ARID1B: variants seen among roughly 807,000 people sequenced by gnomAD.
The protein encoded by ARID1B is AT-rich interaction domain 1B.
A neutral mutation model predicts 212.3 loss-of-function variants in ARID1B; 30 were observed. That is an observed-to-expected ratio of 0.14 (90% CI 0.11 to 0.19). The LOEUF (loss-of-function observed/expected upper bound fraction) is 0.19. ARID1B is among the 10% of genes least tolerant of loss of function. The pLI is 1.00. For synonymous variants in ARID1B, 1,402 were observed against 1,301.7 expected (o/e 1.08, Z -1.66); for missense variants, 2,891 against 3,204.0 (o/e 0.90, Z 2.36).
chr6:156,902,362 T>A (rs1170551961), intron 3 of ARID1B, among the ~76,000 whole-genome samples: 1 of 152,094 alleles, frequency 6.6e-6, no homozygotes, highest in Non-Finnish European at 1.5e-5. Context: ...GTGGTGGAGG[T>A]GGCAAAGAGA....
intron 8 of ARID1B, chr6:157,151,582 T>A (rs1790200357): frequency 6.6e-6 from 1 of 152,214 alleles, no homozygotes; most frequent in Admixed American, 6.5e-5. Flanking sequence ...ACAAAAAGTA[T>A]CTCTTCTTTC....
intron 1 of ARID1B, among the ~76,000 whole-genome samples, chr6:156,798,215 C>T (rs889800484): frequency 2.0e-5 from 3 of 152,172 alleles, no homozygotes; most frequent in Non-Finnish European, 2.9e-5. Flanking sequence ...CTGTGCTGGT[C>T]GCTCCCTCCT....
At chr6:156,809,010 TTTA>T in intron 1 of ARID1B, among the ~76,000 whole-genome samples, 1 of 152,370 alleles carries the variant, frequency 6.6e-6, no homozygotes, top group South Asian at 2.1e-4. Flanking sequence ...TTTGGAGGTT[TTTA>T]TTCATTTTAG....
At chr6:157,120,447 G>A (rs893192366) in intron 6 of ARID1B, among the ~76,000 whole-genome samples, 1 of 152,228 alleles carries the variant, frequency 6.6e-6, no homozygotes, top group Non-Finnish European at 1.5e-5. Context: ...AGCTGGTGTG[G>A]CGCGGGGGGC....
intron 7 of ARID1B, among the ~76,000 whole-genome samples, chr6:157,137,617 T>C (rs1048529885): frequency 3.9e-5 from 6 of 152,246 alleles, no homozygotes; most frequent in Admixed American, 6.5e-5. Flanking sequence ...TTGTTATTAG[T>C]TACAAAATAT....
intron 4 of ARID1B, among the ~76,000 whole-genome samples, chr6:157,055,803 C>T (rs1264672076): frequency 6.6e-6 from 1 of 152,138 alleles, no homozygotes; most frequent in African/African-American, 2.4e-5. Flanking sequence ...TTAGGGTTCT[C>T]TTCCAAGCTC....
chr6:156,920,354 T>C (rs1406875571), intron 3 of ARID1B, among the ~76,000 whole-genome samples: 1 of 152,272 alleles, frequency 6.6e-6, no homozygotes, highest in Non-Finnish European at 1.5e-5. Context: ...ATTTATATTC[T>C]GACACAAGGG....
intron 1 of ARID1B, among the ~76,000 whole-genome samples, chr6:156,788,355 T>C (rs895721360): frequency 1.1e-4 from 16 of 152,172 alleles, no homozygotes; most frequent in Non-Finnish European, 2.4e-4. Context: ...GTTGTATAAA[T>C]TGGTTTTGGT....
At chr6:157,142,826 C>T (rs55836072) in intron 7 of ARID1B, among the ~76,000 whole-genome samples, 6,639 of 151,788 alleles carry the variant, frequency 0.044, 212 homozygotes, top group Non-Finnish European at 0.069. Context: ...ATTGCATTCA[C>T]CTCCATTTTC....
Position 157,210,560 on chromosome 6 carries a change from A to G in ARID1B, c.*2669A>G, listed in dbSNP as rs1794704934. 1 of 232,542 alleles carries G rather than the reference A, an allele frequency of 4.3e-6. No homozygotes were observed. Among genetic ancestry groups the G allele is most frequent in the Non-Finnish European group, 8.5e-6 (1 of 117,740 alleles). 14.4% of individuals were successfully genotyped at this position (232,542 alleles called of 1,614,324 possible). A position where few individuals can be genotyped will look rare whatever the true frequency, so the allele number is the denominator to read the frequency against. On this transcript the variant is annotated 3_prime_UTR_variant, in exon 20 of 20. Coordinates refer to ENST00000636930, the MANE Select transcript of ARID1B (RefSeq NM_001374828.1). ...TATTCTCACCCCCGAATCAAGATTT[A>G]CAGAAGCCCACGAAGAATTTACAGC... is the stretch of plus-strand genomic sequence containing the variant.
chr6:156,873,634 A>C (rs1786317568), intron 2 of ARID1B, among the ~76,000 whole-genome samples: 1 of 152,216 alleles, frequency 6.6e-6, no homozygotes, highest in South Asian at 2.1e-4. Context: ...CACAGTGTGA[A>C]TTATTCAGCA....
Position 157,201,391 on chromosome 6 carries a change from A to T in ARID1B, c.5166A>T (p.Pro1722=). The part of the protein sequence containing the change: ...TSQVTGPPPQ[P]PPIRREITFP... ...AGGTCACCGGGCCACCACCCCAACC[A>T]CCCCCAATCAGAAGGGAGATCACCT... Residue 1722 remains proline (P), a synonymous_variant, in exon 18 of 20, where the codon CCA becomes CCT. Coordinates refer to ENST00000636930, the MANE Select transcript of ARID1B (RefSeq NM_001374828.1). This position sits in a 1 kb window ranked among gnomAD's most constrained non-coding sequence, Gnocchi z 5.2. 1 of 1,596,584 alleles carries T rather than the reference A, an allele frequency of 6.3e-7. No individual in the cohort carries two copies. The highest frequency in any genetic ancestry group is 2.2e-5 in the East Asian group (1 of 44,596).
At chr6:156,815,390 G>T (rs893396438) in intron 1 of ARID1B, among the ~76,000 whole-genome samples, 3 of 152,188 alleles carry the variant, frequency 2.0e-5, no homozygotes, top group Non-Finnish European at 4.4e-5. Flanking sequence ...TTGATATTGA[G>T]TGTAATTAGC....
At chr6:156,930,961 C>T (rs1462619274) in intron 3 of ARID1B, among the ~76,000 whole-genome samples, 3 of 152,064 alleles carry the variant, frequency 2.0e-5, no homozygotes, top group Non-Finnish European at 2.9e-5. Context: ...GAGGCCAAGG[C>T]GGGCAGTTCA....
chr6:156,841,378 T>G (rs558476786), intron 2 of ARID1B, among the ~76,000 whole-genome samples: 1 of 152,324 alleles, frequency 6.6e-6, no homozygotes, highest in South Asian at 2.1e-4. Context: ...GGTTGAATTC[T>G]TAAAAATCAT....
intron 3 of ARID1B, among the ~76,000 whole-genome samples, chr6:156,919,170 C>T (rs1790589199): frequency 6.6e-6 from 1 of 152,050 alleles, no homozygotes; most frequent in African/African-American, 2.4e-5. Context: ...TCTGCCTGGG[C>T]CTTTGCTTTT....
At chr6:156,873,884 C>G (rs1786337729) in intron 2 of ARID1B, among the ~76,000 whole-genome samples, 1 of 152,176 alleles carries the variant, frequency 6.6e-6, no homozygotes, top group Non-Finnish European at 1.5e-5. Flanking sequence ...CCAGCCTTGT[C>G]AGCACCCGCC....
At chr6:157,118,267 C>G (rs771924533) in intron 6 of ARID1B, among the ~76,000 whole-genome samples, 2 of 152,228 alleles carry the variant, frequency 1.3e-5, no homozygotes, top group South Asian at 4.2e-4. Flanking sequence ...CTACGGAAAC[C>G]GTGTTGTTCT....
chr6:156,801,600 A>T (rs1780792277), intron 1 of ARID1B, among the ~76,000 whole-genome samples: 1 of 152,162 alleles, frequency 6.6e-6, no homozygotes, highest in South Asian at 2.1e-4. Context: ...ATAAACAAGG[A>T]AAGATTTTTT....
Sources: allele counts gnomAD v4.1 joint callset (sites outside exome capture counted in the v4.1 genomes callset), GRCh38; gene constraint gnomAD v4.1.1; non-coding constraint Gnocchi (gnomAD v3.1); transcripts MANE v1.5; gene names NCBI Gene and HGNC (gene_info 2026-07-23, HGNC 2026-07-21).